NAV3: variants seen among roughly 807,000 people sequenced by gnomAD.
The protein encoded by NAV3 is neuron navigator 3.
A neutral mutation model predicts 244.7 loss-of-function variants in NAV3; 87 were observed. The observed-to-expected ratio is 0.36, with a 90% CI of 0.30 to 0.42. The LOEUF (loss-of-function observed/expected upper bound fraction) is 0.42. Among genes scored for constraint, NAV3 ranks in the 20% least tolerant of loss-of-function variants. The pLI, the probability that NAV3 is intolerant of heterozygous loss-of-function variation, is 1.00. For synonymous variants in NAV3, 1,126 were observed against 1,042.2 expected (o/e 1.08, Z -1.55); for missense variants, 2,663 against 2,893.3 (o/e 0.92, Z 1.83).
intron 22 of NAV3, among the ~76,000 whole-genome samples, chr12:78,151,365 G>A (rs1957074510): frequency 6.6e-6 from 1 of 151,920 alleles, no homozygotes; most frequent in African/African-American, 2.4e-5. Context: ...AATAGCCAAA[G>A]AAAGGAAACA....
chr12:77,903,521 G>C (rs908420699), intron 1 of NAV3, among the ~76,000 whole-genome samples: 1 of 152,108 alleles, frequency 6.6e-6, no homozygotes, highest in Non-Finnish European at 1.5e-5. Flanking sequence ...TTAAATGTTA[G>C]ACCTAAAACC....
intron 1 of NAV3, among the ~76,000 whole-genome samples, chr12:77,923,189 G>C (rs1439287292): frequency 6.6e-6 from 1 of 151,960 alleles, no homozygotes; most frequent in Non-Finnish European, 1.5e-5. Context: ...AGAGAATAAA[G>C]GAATGTCATA....
intron 2 of NAV3, among the ~76,000 whole-genome samples, chr12:77,598,346 T>C (rs1362095146): frequency 6.6e-6 from 1 of 152,080 alleles, no homozygotes; most frequent in Non-Finnish European, 1.5e-5. Flanking sequence ...AAATTGTTTC[T>C]ATTTTTATTT....
rs1955710313 is a variant in NAV3, at chr12:78,122,348, G to C, written c.4158G>C (p.Leu1386Phe). The change falls in exon 16 of 40, where the codon TTG (leucine) becomes TTC (phenylalanine). Residue 1386 changes from leucine to phenylalanine, a missense_variant. Transcript: ENST00000397909. ...IDLPLSHHGS[L>F]SGLTTGTHEV... ...TCCCCCTCAGCCATCATGGCTCCTT[G>C]TCTGGACTGACCACAGGCACTCACG... is the stretch of plus-strand genomic sequence containing the variant. 9 of 1,614,030 alleles carry C rather than the reference G, an allele frequency of 5.6e-6. No homozygotes were observed. Among genetic ancestry groups the C allele is most frequent in the Non-Finnish European group, 7.6e-6 (9 of 1,180,018 alleles).
chr12:77,895,445 T>C (rs966087262), intron 1 of NAV3, among the ~76,000 whole-genome samples: 1 of 151,878 alleles, frequency 6.6e-6, no homozygotes, highest in Non-Finnish European at 1.5e-5. Context: ...GAAACATTAT[T>C]TGAGTTTTGG....
chr12:77,831,816 G>A, intron 1 of NAV3, 112 bp downstream of exon 1: 1 of 1,200,138 alleles, frequency 8.3e-7, no homozygotes, highest in Non-Finnish European at 1.1e-6. Flanking sequence ...ACCAGTGTAA[G>A]GATGTAAGTA....
At chr12:77,810,199 T>C (rs560903580) in intron 2 of NAV3, among the ~76,000 whole-genome samples, 1 of 152,166 alleles carries the variant, frequency 6.6e-6, no homozygotes, top group Non-Finnish European at 1.5e-5. Context: ...TGAGACGGAG[T>C]CTCGCTCTGT....
At chr12:77,804,695 T>C (rs1033275472) in intron 2 of NAV3, among the ~76,000 whole-genome samples, 1 of 152,052 alleles carries the variant, frequency 6.6e-6, no homozygotes, top group Non-Finnish European at 1.5e-5. Context: ...TGTTTTTTTT[T>C]TAATTCTGTG....
chr12:78,053,303 C>T (rs1883036151), intron 11 of NAV3, among the ~76,000 whole-genome samples: 1 of 151,600 alleles, frequency 6.6e-6, no homozygotes, highest in Non-Finnish European at 1.5e-5. Flanking sequence ...CACTCAATAT[C>T]ATTATTCATG....
intron 2 of NAV3, among the ~76,000 whole-genome samples, chr12:77,730,891 T>C (rs1036871329): frequency 3.3e-5 from 5 of 151,686 alleles, no homozygotes; most frequent in African/African-American, 9.7e-5. Flanking sequence ...CTGAATATTC[T>C]TAATAGAAGT....
chr12:77,982,851 G>A (rs1359285050), intron 5 of NAV3, among the ~76,000 whole-genome samples: 2 of 152,152 alleles, frequency 1.3e-5, no homozygotes, highest in Non-Finnish European at 2.9e-5. Flanking sequence ...CACAGGTCTA[G>A]CAGCTTAACT....
chr12:78,121,892 A>T (rs746838412), intron 15 of NAV3, 48 bp from the exon 16 acceptor site: 6 of 1,599,520 alleles, frequency 3.8e-6, no homozygotes, highest in Admixed American at 1.7e-5. Flanking sequence ...TTAAATGTGG[A>T]TATTAGCTTC....
intron 12 of NAV3, among the ~76,000 whole-genome samples, chr12:78,112,405 C>A (rs1358115746): frequency 6.6e-6 from 1 of 151,954 alleles, no homozygotes; most frequent in African/African-American, 2.4e-5. Flanking sequence ...AAGACATACC[C>A]CAAATTGGGT....
chr12:77,771,207 C>T (rs1429661616), intron 2 of NAV3, among the ~76,000 whole-genome samples: 1 of 152,180 alleles, frequency 6.6e-6, no homozygotes, highest in Non-Finnish European at 1.5e-5. Context: ...ATCAAAACCA[C>T]AATGAGATAC....
intron 12 of NAV3, among the ~76,000 whole-genome samples, chr12:78,084,986 A>C (rs1953556469): frequency 2.0e-5 from 3 of 152,142 alleles, no homozygotes. Flanking sequence ...TGATAAAATA[A>C]AAAAAGAGAA....
intron 7 of NAV3, among the ~76,000 whole-genome samples, chr12:77,999,200 C>G (rs1329118004): frequency 1.3e-5 from 2 of 152,162 alleles, no homozygotes; most frequent in East Asian, 3.8e-4. Context: ...ACACCTCAAT[C>G]ATGAGGAAGT....
In NAV3 at chr12:78,021,773, C is replaced by A. The variant is rs375015388; in HGVS notation, c.1934C>A (p.Ala645Asp). The change falls in exon 9 of 40, where the codon GCT becomes GAT. Residue 645 changes from alanine to aspartate, a missense_variant. Physicochemically the swap from Ala to Asp is moderately radical, Grantham distance 126. Coordinates refer to ENST00000397909, the MANE Select transcript of NAV3 (RefSeq NM_001024383.2). ...GCACATTCAGAAAATGAAGGTACCG[C>A]TTTACCATCGGCTGACTCCTGTACC... Reference protein sequence around the residue: ...YRAHSENEGTALPSADSCTSP... With the variant: ...YRAHSENEGTDLPSADSCTSP... The A allele has an allele frequency of 6.8e-6, 11 of 1,609,460 alleles. No individual in the cohort carries two copies. In the Admixed American group the frequency reaches 1.7e-4, roughly 25 times the overall value.
chr12:78,053,682 A>T (rs1593406083), intron 11 of NAV3, among the ~76,000 whole-genome samples: 1 of 152,280 alleles, frequency 6.6e-6, no homozygotes, highest in African/African-American at 2.4e-5. Context: ...TAAAAACACA[A>T]AAAATGTGGA....
At chr12:77,889,681 G>A (rs1339940103) in intron 1 of NAV3, among the ~76,000 whole-genome samples, 1 of 151,986 alleles carries the variant, frequency 6.6e-6, no homozygotes, top group African/African-American at 2.4e-5. Context: ...TAGGATTAAT[G>A]GTATTAAATA....
Sources: allele counts gnomAD v4.1 joint callset (sites outside exome capture counted in the v4.1 genomes callset), GRCh38; gene constraint gnomAD v4.1.1; transcripts MANE v1.5; gene names NCBI Gene and HGNC (gene_info 2026-07-23, HGNC 2026-07-21).